Variants in NEK11 observed in about 807,000 individuals in gnomAD.
The protein encoded by NEK11 is serine/threonine-protein kinase Nek11.
A neutral mutation model predicts 80.7 loss-of-function variants in NEK11; 72 were observed. The ratio of observed to expected loss-of-function variants is 0.89; its 90% CI spans 0.74 to 1.08. The LOEUF (loss-of-function observed/expected upper bound fraction) is 1.08, where lower values mean the gene tolerates loss of function less well. Ranked by LOEUF, NEK11 falls within the 50% of genes least tolerant of loss-of-function variation. The pLI, the probability that NEK11 is intolerant of heterozygous loss-of-function variation, is 0.00. For missense variants in NEK11, 764 were observed against 763.6 expected, an observed-to-expected ratio of 1.00 and a Z score of -0.01; for synonymous variants, 251 against 260.7, an observed-to-expected ratio of 0.96 and a Z score of 0.36.
intron 17 of NEK11, among the ~76,000 whole-genome samples, chr3:131,344,304 C>CAG (rs1427806705): frequency 6.6e-6 from 1 of 152,198 alleles, no homozygotes; most frequent in Admixed American, 6.5e-5. Flanking sequence ...CACCTGTGAC[C>CAG]TTTGCTCCAG....
At chr3:131,259,268 T>C (rs1464709493) in intron 16 of NEK11, among the ~76,000 whole-genome samples, 5 of 152,178 alleles carry the variant, frequency 3.3e-5, no homozygotes, top group Admixed American at 1.3e-4. Flanking sequence ...TGGTTTGGCA[T>C]TGACACCGCT....
chr3:131,143,956 A>G (rs28587133), intron 7 of NEK11, among the ~76,000 whole-genome samples: 2 of 152,262 alleles, frequency 1.3e-5, no homozygotes, highest in South Asian at 2.1e-4. Flanking sequence ...ATGCTCTTCA[A>G]TTACATCAAA....
At chr3:131,054,233 G>C (rs1268410784) in intron 3 of NEK11, among the ~76,000 whole-genome samples, 5 of 152,158 alleles carry the variant, frequency 3.3e-5, no homozygotes, top group African/African-American at 9.7e-5. Flanking sequence ...TACTCTGGGG[G>C]CTGAGTTGGG....
chr3:131,133,762 G>C, intron 6 of NEK11, 68 bp from the exon 7 acceptor site: 1 of 1,303,552 alleles, frequency 7.7e-7, no homozygotes, highest in South Asian at 1.3e-5. Flanking sequence ...CACTCATTCA[G>C]TTGTTAATTT....
chr3:131,337,519 G>A (rs2097206204), intron 17 of NEK11, among the ~76,000 whole-genome samples: 2 of 151,846 alleles, frequency 1.3e-5, no homozygotes, highest in African/African-American at 4.8e-5. Context: ...AATGCTAAAT[G>A]ACGAGTTAAT....
At chr3:131,315,165 C>G (rs2096823698) in intron 17 of NEK11, among the ~76,000 whole-genome samples, 1 of 152,040 alleles carries the variant, frequency 6.6e-6, no homozygotes, top group Admixed American at 6.6e-5. Context: ...TGGCAAATTA[C>G]CAGTATACAA....
chr3:131,098,711 G>T (rs954890438), intron 4 of NEK11, among the ~76,000 whole-genome samples: 1 of 151,762 alleles, frequency 6.6e-6, no homozygotes, highest in Non-Finnish European at 1.5e-5. Flanking sequence ...GAGTAGCTGG[G>T]ATTACAGGTG....
intron 17 of NEK11, among the ~76,000 whole-genome samples, chr3:131,335,756 C>G (rs531727876): frequency 6.6e-6 from 1 of 152,306 alleles, no homozygotes; most frequent in East Asian, 1.9e-4. Flanking sequence ...AGCTGATAAG[C>G]AACTTCAGCA....
intron 16 of NEK11, among the ~76,000 whole-genome samples, chr3:131,263,335 A>G (rs1181396155): frequency 6.6e-6 from 1 of 152,148 alleles, no homozygotes; most frequent in East Asian, 1.9e-4. Context: ...TCCTTTCCCC[A>G]TTTCTTGTTT....
At chr3:131,327,785 T>A (rs549051608) in intron 17 of NEK11, 3 of 152,162 alleles carry the variant, frequency 2.0e-5, no homozygotes, top group Non-Finnish European at 4.4e-5. Context: ...CAAATCTCTT[T>A]TCTGACACCC....
At position 131,309,609 on chromosome 3, in the gene NEK11, A is replaced by ATT. The variant is rs11381029; in HGVS notation, c.1718+36045_1718+36046dup. ...TCTGGGTACAAGAAAAATGCTTTCT[A>ATT]TTTTTTTTTTTGACAATATTATCTG... On this transcript the variant is annotated intron_variant, in intron 17 of 17. Coordinates refer to ENST00000383366, the MANE Select transcript of NEK11 (RefSeq NM_024800.5). Among the ~76,000 whole-genome samples, 363 of 149,240 alleles carry ATT rather than the reference A, an allele frequency of 2.4e-3. 3 individuals carry two copies. The highest frequency in any genetic ancestry group is 4.2e-3 in the African/African-American group (173 of 40,784).
At chr3:131,169,089 GATGAA>G in intron 13 of NEK11, 152 bp downstream of exon 13, 1 of 549,820 alleles carries the variant, frequency 1.8e-6, no homozygotes, top group Non-Finnish European at 3.3e-6. Flanking sequence ...AGCTGAAAAA[GATGAA>G]ATAAATATAG....
At chr3:131,154,019 A>G (rs2090184743) in intron 9 of NEK11, among the ~76,000 whole-genome samples, 1 of 152,178 alleles carries the variant, frequency 6.6e-6, no homozygotes, top group African/African-American at 2.4e-5. Flanking sequence ...GCTGGCACAG[A>G]GAGGTCCTGA....
intron 14 of NEK11, among the ~76,000 whole-genome samples, chr3:131,211,991 C>T (rs1322556318): frequency 2.0e-5 from 3 of 152,150 alleles, no homozygotes; most frequent in Non-Finnish European, 4.4e-5. Flanking sequence ...ATTCTCCTTC[C>T]AGCTTTGTTC....
intron 15 of NEK11, among the ~76,000 whole-genome samples, chr3:131,230,662 A>G (rs1020117173): frequency 3.9e-5 from 6 of 152,170 alleles, no homozygotes; most frequent in African/African-American, 1.4e-4. Context: ...GGCAGATGAT[A>G]AACATAAGGG....
intron 14 of NEK11, 74 bp from the exon 15 acceptor site, chr3:131,228,454 G>A: frequency 3.0e-6 from 4 of 1,323,516 alleles, no homozygotes; most frequent in Non-Finnish European, 4.1e-6. Context: ...ACATCCCTGT[G>A]AAAAGATACA....
At chr3:131,285,271 G>A (rs2096456649) in intron 17 of NEK11, among the ~76,000 whole-genome samples, 1 of 152,012 alleles carries the variant, frequency 6.6e-6, no homozygotes, top group South Asian at 2.1e-4. Flanking sequence ...TAGGGGCAAG[G>A]AAGGAAACAG....
chr3:131,044,455 G>A (rs575247799), intron 3 of NEK11, among the ~76,000 whole-genome samples: 1 of 148,310 alleles, frequency 6.7e-6, no homozygotes, highest in Non-Finnish European at 1.5e-5. Context: ...GTGGGGGGGG[G>A]GGTTGGAATC....
intron 17 of NEK11, among the ~76,000 whole-genome samples, chr3:131,338,233 G>C (rs1052067608): frequency 6.8e-6 from 1 of 147,638 alleles, no homozygotes; most frequent in African/African-American, 2.5e-5. Flanking sequence ...CCAAAGTGTT[G>C]GGATTACAGG....
Sources: allele counts gnomAD v4.1 joint callset (sites outside exome capture counted in the v4.1 genomes callset), GRCh38; gene constraint gnomAD v4.1.1; transcripts MANE v1.5; gene names NCBI Gene and HGNC (gene_info 2026-07-23, HGNC 2026-07-21).